Variants in ARHGAP24 observed in about 807,000 individuals in gnomAD.
The protein encoded by ARHGAP24 is Rho GTPase activating protein 24.
Under a neutral mutation model 76.4 loss-of-function variants are expected in ARHGAP24, and 50 were observed. The ratio of observed to expected loss-of-function variants is 0.65; its 90% CI spans 0.52 to 0.83. The LOEUF is 0.83. Ranked by LOEUF, ARHGAP24 falls within the 40% of genes least tolerant of loss-of-function variation. The pLI is 0.00. For missense variants in ARHGAP24, 930 were observed against 914.2 expected (o/e 1.02, Z -0.22); for synonymous variants, 345 against 323.3 (o/e 1.07, Z -0.72).
intron 2 of ARHGAP24, among the ~76,000 whole-genome samples, chr4:85,705,074 A>G (rs910504784): frequency 6.6e-6 from 1 of 152,100 alleles, no homozygotes; most frequent in Non-Finnish European, 1.5e-5. Context: ...ACCAAATCAA[A>G]TGTAAGACAT....
chr4:85,508,497 G>A (rs1301835199), intron 1 of ARHGAP24, among the ~76,000 whole-genome samples: 1 of 152,048 alleles, frequency 6.6e-6, no homozygotes, highest in Non-Finnish European at 1.5e-5. Flanking sequence ...TTTGACCTAA[G>A]GCAAAAAGAC....
At chr4:85,487,401 AAT>A (rs1348481557) in intron 1 of ARHGAP24, among the ~76,000 whole-genome samples, 29 of 112,974 alleles carry the variant, frequency 2.6e-4, no homozygotes, top group African/African-American at 1.0e-3. Context: ...TAAACATGTA[AAT>A]ATATATTTAT....
intron 2 of ARHGAP24, among the ~76,000 whole-genome samples, chr4:85,695,560 G>T (rs1723836933): frequency 6.6e-6 from 1 of 152,174 alleles, no homozygotes; most frequent in African/African-American, 2.4e-5. Flanking sequence ...CATAGCAAAT[G>T]TGATTATCAA....
At chr4:85,516,179 G>A (rs1171931413) in intron 1 of ARHGAP24, among the ~76,000 whole-genome samples, 6 of 152,206 alleles carry the variant, frequency 3.9e-5, no homozygotes, top group Non-Finnish European at 8.8e-5. Context: ...GTCTAAGTGA[G>A]TGTGGGTGTG....
chr4:85,499,024 C>G (rs925934987), intron 1 of ARHGAP24, among the ~76,000 whole-genome samples: 1 of 152,178 alleles, frequency 6.6e-6, no homozygotes, highest in Admixed American at 6.5e-5. Flanking sequence ...TTAAGCTCCT[C>G]TCATTTATTC....
At position 85,651,410 on chromosome 4, in the gene ARHGAP24, T is replaced by C. The variant is rs1389589051; in HGVS notation, c.181-70475T>C. On this transcript the variant is annotated intron_variant, in intron 2 of 9. Coordinates refer to ENST00000395184, the MANE Select transcript of ARHGAP24 (RefSeq NM_001025616.3). ...TAGTAGGAATGGCAGAACCTATTGA[T>C]GGTTTAGATTGGAGATGGGACGTGA... 8.0e-5 allele frequency among the ~76,000 whole-genome samples: 12 copies of C among 149,122 alleles called. 1 individual carries two copies. Among genetic ancestry groups the C allele is most frequent in the African/African-American group, 3.1e-4 (12 of 38,580 alleles).
chr4:85,795,914 T>C, intron 3 of ARHGAP24, among the ~76,000 whole-genome samples: 1 of 152,174 alleles, frequency 6.6e-6, no homozygotes, highest in Non-Finnish European at 1.5e-5. Flanking sequence ...TTCACACATG[T>C]TAATATTGGA....
chr4:85,723,593 A>G (rs1359920718), intron 3 of ARHGAP24: 1 of 152,250 alleles, frequency 6.6e-6, no homozygotes, highest in Non-Finnish European at 1.5e-5. Context: ...GTAATTATGG[A>G]CTTAAATATA....
intron 3 of ARHGAP24, among the ~76,000 whole-genome samples, chr4:85,776,484 G>A (rs17010862): frequency 0.021 from 3,219 of 152,212 alleles, 89 homozygotes; most frequent in African/African-American, 0.072. Context: ...ATGTTGTGCC[G>A]TTTTAGATTG....
At chr4:85,818,104 A>G (rs1168590816) in intron 3 of ARHGAP24, among the ~76,000 whole-genome samples, 1 of 152,228 alleles carries the variant, frequency 6.6e-6, no homozygotes, top group African/African-American at 2.4e-5. Flanking sequence ...ATAAATTTGT[A>G]TGGCAGAGAA....
At chr4:85,856,816 A>G (rs1014508721) in intron 3 of ARHGAP24, among the ~76,000 whole-genome samples, 3 of 152,126 alleles carry the variant, frequency 2.0e-5, no homozygotes, top group Non-Finnish European at 2.9e-5. Flanking sequence ...TAGTTTTTCT[A>G]TCAAAACCTA....
At chr4:85,761,554 G>A (rs1199186334) in intron 3 of ARHGAP24, among the ~76,000 whole-genome samples, 4 of 152,160 alleles carry the variant, frequency 2.6e-5, no homozygotes, top group African/African-American at 9.7e-5. Context: ...AAACCAATAA[G>A]AAATACATTT....
chr4:85,710,473 A>G (rs1254839431), intron 2 of ARHGAP24, among the ~76,000 whole-genome samples: 1 of 152,208 alleles, frequency 6.6e-6, no homozygotes, highest in Non-Finnish European at 1.5e-5. Flanking sequence ...AATGGGATCT[A>G]ATTAAACTAA....
chr4:85,918,023 T>C (rs1300787452), intron 3 of ARHGAP24, among the ~76,000 whole-genome samples: 1 of 152,042 alleles, frequency 6.6e-6, no homozygotes, highest in Non-Finnish European at 1.5e-5. Flanking sequence ...AAATCTTCCA[T>C]TGAGGACACT....
At chr4:85,780,063 T>C (rs1727474354) in intron 3 of ARHGAP24, among the ~76,000 whole-genome samples, 1 of 152,246 alleles carries the variant, frequency 6.6e-6, no homozygotes. Context: ...TCAGTATTAC[T>C]CATGGATACA....
intron 3 of ARHGAP24, among the ~76,000 whole-genome samples, chr4:85,757,239 T>C (rs1033608952): frequency 8.0e-6 from 1 of 125,738 alleles, no homozygotes; most frequent in Admixed American, 9.0e-5. Flanking sequence ...TTAATTAAAC[T>C]AAGTTCTAGG....
intron 3 of ARHGAP24, among the ~76,000 whole-genome samples, chr4:85,826,850 A>C (rs1729736346): frequency 6.6e-6 from 1 of 152,222 alleles, no homozygotes; most frequent in Admixed American, 6.5e-5. Flanking sequence ...AAGGGTGAGA[A>C]TAATTTCTTG....
chr4:85,817,611 C>T (rs1375006447), intron 3 of ARHGAP24, among the ~76,000 whole-genome samples: 1 of 152,126 alleles, frequency 6.6e-6, no homozygotes, highest in Non-Finnish European at 1.5e-5. Context: ...GAACTTTTTC[C>T]ACATAATTCA....
chr4:85,853,660 C>G (rs1006346968), intron 3 of ARHGAP24, among the ~76,000 whole-genome samples: 1 of 152,168 alleles, frequency 6.6e-6, no homozygotes, highest in African/African-American at 2.4e-5. Context: ...AGCACAGTGG[C>G]TCACACCTGT....
Sources: gnomAD v4.1 joint callset for allele counts (sites outside exome capture counted in the v4.1 genomes callset) on GRCh38, gnomAD v4.1.1 for gene constraint, MANE v1.5 for transcripts, NCBI Gene and HGNC (gene_info 2026-07-23, HGNC 2026-07-21) for gene names.